The following DCDC1 variants were observed in gnomAD, a reference collection of about 807,000 sequenced individuals.
DCDC1 encodes the protein doublecortin domain-containing protein 1.
A neutral mutation model predicts 178.3 loss-of-function variants in DCDC1; 200 were observed. The ratio of observed to expected loss-of-function variants is 1.12; its 90% CI spans 1.00 to 1.26. DCDC1 has a LOEUF of 1.26. Ranked by LOEUF, DCDC1 falls within the 50% of genes most tolerant of loss-of-function variation. The pLI is 0.00. For missense variants in DCDC1, 1,983 were observed against 1,749.2 expected (o/e 1.13, Z -2.38); for synonymous variants, 690 against 604.8 (o/e 1.14, Z -2.07).
chr11:30,972,266 C>A (rs112004507), intron 20 of DCDC1, among the ~76,000 whole-genome samples: 55 of 152,190 alleles, frequency 3.6e-4, no homozygotes, highest in African/African-American at 1.2e-3. Context: ...AAACCTCTAG[C>A]AGACTAACAG....
At chr11:31,062,314 C>T (rs912177998) in intron 20 of DCDC1, among the ~76,000 whole-genome samples, 3 of 152,168 alleles carry the variant, frequency 2.0e-5, no homozygotes, top group Admixed American at 1.3e-4. Context: ...CCTCATAGAG[C>T]GGTATTACGA....
intron 9 of DCDC1, among the ~76,000 whole-genome samples, chr11:31,165,445 G>C (rs1187614588): frequency 6.6e-6 from 1 of 151,880 alleles, no homozygotes; most frequent in African/African-American, 2.4e-5. Flanking sequence ...TTGAGCAGTT[G>C]GGAATACAGG....
intron 6 of DCDC1, among the ~76,000 whole-genome samples, chr11:31,297,100 A>C (rs1591679657): frequency 6.6e-6 from 1 of 152,204 alleles, no homozygotes; most frequent in Non-Finnish European, 1.5e-5. Flanking sequence ...GCATTATTAC[A>C]TCCAGAGGCA....
At chr11:30,924,315 C>G (rs143097463) in intron 23 of DCDC1, among the ~76,000 whole-genome samples, 1 of 152,148 alleles carries the variant, frequency 6.6e-6, no homozygotes, top group Non-Finnish European at 1.5e-5. Context: ...CTCCACCCTG[C>G]GATTCTGCCT....
chr11:30,972,003 A>G (rs1949829069), intron 20 of DCDC1, among the ~76,000 whole-genome samples: 1 of 152,210 alleles, frequency 6.6e-6, no homozygotes, highest in Non-Finnish European at 1.5e-5. Flanking sequence ...GTGATCAAAT[A>G]TTTGAATTTC....
chr11:30,880,415 G>A (rs1318801026), intron 37 of DCDC1, among the ~76,000 whole-genome samples: 1 of 152,120 alleles, frequency 6.6e-6, no homozygotes, highest in Non-Finnish European at 1.5e-5. Flanking sequence ...AACTGTTTTA[G>A]AAGTTTTTGG....
intron 1 of DCDC1, among the ~76,000 whole-genome samples, chr11:31,341,918 G>A (rs904571401): frequency 1.3e-5 from 2 of 151,752 alleles, no homozygotes; most frequent in African/African-American, 4.8e-5. Context: ...GCCTTGCAAG[G>A]CTGAGGTGGA....
chr11:30,945,401 T>C (rs987046449), intron 21 of DCDC1, among the ~76,000 whole-genome samples: 1 of 152,050 alleles, frequency 6.6e-6, no homozygotes, highest in Non-Finnish European at 1.5e-5. Context: ...TATATATATA[T>C]GCACAATATT....
intron 3 of DCDC1, among the ~76,000 whole-genome samples, chr11:31,323,409 G>A (rs530686336): frequency 6.6e-6 from 1 of 152,244 alleles, no homozygotes; most frequent in Admixed American, 6.5e-5. Context: ...AATTTTTATG[G>A]ATAGCAATTA....
At position 30,881,176 on chromosome 11, in the gene DCDC1, C is replaced by T. The variant is rs1343598540; in HGVS notation, c.5215G>A (p.Gly1739Ser). ...TGCATACCTTTTGGGGTTTTGAAAC[C>T]ATGTCCCATAGACACACAGATGACC... ...DMVICVSMGHGFKTPKELKQL... is the reference protein window; with the variant it reads ...DMVICVSMGHSFKTPKELKQL... Residue 1739 changes from glycine to serine, a missense_variant, in exon 37 of 39, where the codon GGT becomes AGT. By Grantham distance (56) the Gly-to-Ser change is moderately conservative. Transcript: ENST00000684477. The T allele has an allele frequency of 2.5e-6, 4 of 1,613,018 alleles. No homozygotes were observed. The highest frequency in any genetic ancestry group is 3.4e-6 in the Non-Finnish European group (4 of 1,179,396).
At chr11:31,058,253 T>C (rs1408109710) in intron 20 of DCDC1, among the ~76,000 whole-genome samples, 1 of 152,156 alleles carries the variant, frequency 6.6e-6, no homozygotes, top group African/African-American at 2.4e-5. Flanking sequence ...TCAGACTATT[T>C]GCTCTCTCCA....
chr11:31,157,771 G>A (rs180889393), intron 9 of DCDC1, among the ~76,000 whole-genome samples: 4 of 152,012 alleles, frequency 2.6e-5, no homozygotes, highest in African/African-American at 9.6e-5. Flanking sequence ...CAATGATGGT[G>A]GTAGAACAAT....
At chr11:31,098,519 AAC>A (rs1958298019) in intron 15 of DCDC1, among the ~76,000 whole-genome samples, 1 of 152,202 alleles carries the variant, frequency 6.6e-6, no homozygotes, top group African/African-American at 2.4e-5. Context: ...AATTTAAAAG[AAC>A]AGTCAGGGGC....
chr11:30,908,085 T>C (rs890336760), intron 29 of DCDC1, among the ~76,000 whole-genome samples: 7 of 152,152 alleles, frequency 4.6e-5, no homozygotes, highest in South Asian at 2.1e-4. Flanking sequence ...CTTTGGGGAA[T>C]TTTTAAACAT....
Position 30,915,560 on chromosome 11 carries a change from T to C in DCDC1, c.3604A>G (p.Lys1202Glu). ...RSGMEVVLVE[K>E]KSDGSHQRWI... ...CGCTGATGACTACCATCAGATTTCT[T>C]CTCCACCAAAACCACCTCCATGCCT... Residue 1202 changes from lysine to glutamate, a missense_variant, in exon 27 of 39, where the codon AAG (lysine) becomes GAG (glutamate). Physicochemically the swap from Lys to Glu is moderately conservative, Grantham distance 56. Transcript: ENST00000684477. 1 of 1,613,940 alleles carries C rather than the reference T, an allele frequency of 6.2e-7. No homozygotes were observed. Among genetic ancestry groups the C allele is most frequent in the Non-Finnish European group, 8.5e-7 (1 of 1,179,860 alleles).
chr11:31,323,050 TCTA>T lies in DCDC1; in HGVS notation c.164+5064_164+5066del, dbSNP rs536484879. 8.0e-3 allele frequency among the ~76,000 whole-genome samples: 1,225 copies of T among 152,346 alleles called. 21 individuals are homozygous for T. The highest frequency in any genetic ancestry group is 0.028 in the African/African-American group (1,174 of 41,572). ...AAATTATCTGCTATTTTCTAAAAATTCTACTTTTATTTAATCAGGAACGTTTCA... is the reference window on the plus strand; with the variant it reads ...AAATTATCTGCTATTTTCTAAAAATTCTTTTATTTAATCAGGAACGTTTCA... On this transcript the variant is annotated intron_variant, in intron 3 of 38. Coordinates refer to ENST00000684477, the MANE Select transcript of DCDC1 (RefSeq NM_001387274.1).
chr11:31,100,226 T>C (rs1418662245), intron 15 of DCDC1, among the ~76,000 whole-genome samples: 1 of 152,114 alleles, frequency 6.6e-6, no homozygotes, highest in Non-Finnish European at 1.5e-5. Flanking sequence ...AAAGACCATA[T>C]TAGAGAATAT....
At chr11:31,012,818 T>A (rs1391137233) in intron 20 of DCDC1, among the ~76,000 whole-genome samples, 1 of 152,130 alleles carries the variant, frequency 6.6e-6, no homozygotes, top group Non-Finnish European at 1.5e-5. Context: ...AGATTATTTA[T>A]ATAAGGTTTG....
At chr11:30,968,244 G>A (rs1003404497) in intron 20 of DCDC1, among the ~76,000 whole-genome samples, 1 of 152,112 alleles carries the variant, frequency 6.6e-6, no homozygotes, top group African/African-American at 2.4e-5. Context: ...TTCCTGAGGG[G>A]TTTGAAGAGT....
Sources: allele counts gnomAD v4.1 joint callset (sites outside exome capture counted in the v4.1 genomes callset), GRCh38; gene constraint gnomAD v4.1.1; transcripts MANE v1.5; gene names NCBI Gene and HGNC (gene_info 2026-07-23, HGNC 2026-07-21).